XIRP2: variants seen among roughly 807,000 people sequenced by gnomAD.
XIRP2 encodes xin actin binding repeat containing 2.
XIRP2 carries 236 observed loss-of-function variants against 277.0 expected under a neutral mutation model. The observed-to-expected ratio is 0.85, with a 90% CI of 0.77 to 0.95. The LOEUF is 0.95. Among genes scored for constraint, XIRP2 ranks in the 40% least tolerant of loss-of-function variants. The pLI is 0.00. For missense variants in XIRP2, 4,640 were observed against 4,157.5 expected (o/e 1.12, Z -3.19); for synonymous variants, 1,490 against 1,416.5 (o/e 1.05, Z -1.17).
chr2:167,093,873 A>G (rs1690220137), intron 2 of XIRP2, among the ~76,000 whole-genome samples: 1 of 152,068 alleles, frequency 6.6e-6, no homozygotes, highest in Non-Finnish European at 1.5e-5. Context: ...CTGGTTCTAG[A>G]TCCTTGAGGA....
intron 2 of XIRP2, among the ~76,000 whole-genome samples, chr2:167,002,388 T>G (rs1687396412): frequency 7.0e-6 from 1 of 143,244 alleles, no homozygotes; most frequent in Non-Finnish European, 1.5e-5. Context: ...AGTCATAATG[T>G]TTTTATTTAA....
chr2:167,244,183 T>C lies in XIRP2; in HGVS notation c.2791T>C (p.Tyr931His), dbSNP rs1330905579. The change falls in exon 9 of 11, where the codon TAC (tyrosine) becomes CAC (histidine). Residue 931 changes from tyrosine to histidine, a missense_variant. Coordinates refer to ENST00000409195, the MANE Select transcript of XIRP2 (RefSeq NM_152381.6). ...LEDIRKDKKE[Y>H]TRTVKLEEVD... ...AGACATTAGAAAAGATAAAAAGGAG[T>C]ACACACGAACAGTGAAACTTGAAGA... The C allele has an allele frequency of 6.2e-7, 1 of 1,613,178 alleles. No homozygotes were observed. Among genetic ancestry groups the C allele is most frequent in the East Asian group, 2.2e-5 (1 of 44,790 alleles).
At chr2:167,042,211 A>T (rs1688675518) in intron 2 of XIRP2, among the ~76,000 whole-genome samples, 2 of 152,168 alleles carry the variant, frequency 1.3e-5, no homozygotes, top group African/African-American at 4.8e-5. Context: ...GAAACCAAAG[A>T]TCATTACCTG....
At chr2:167,253,859 G>A (rs1055240070) in intron 9 of XIRP2, among the ~76,000 whole-genome samples, 173 bp from the exon 10 acceptor site, 10 of 151,696 alleles carry the variant, frequency 6.6e-5, no homozygotes, top group African/African-American at 2.2e-4. Context: ...CTAGCAGACC[G>A]TTAAACCTGA....
At chr2:167,187,540 A>G in intron 3 of XIRP2, 1 of 985,104 alleles carries the variant, frequency 1.0e-6, no homozygotes, top group Non-Finnish European at 1.2e-6. Flanking sequence ...AGGTAAGTGT[A>G]ATATAGTCAT....
intron 2 of XIRP2, among the ~76,000 whole-genome samples, chr2:167,049,752 A>G (rs1688871611): frequency 6.6e-6 from 1 of 152,076 alleles, no homozygotes; most frequent in African/African-American, 2.4e-5. Context: ...ATTCTTTCAA[A>G]GTACCAACTC....
rs1428258503 is a variant in XIRP2 at position 167,248,273 on chromosome 2, C to T, written c.6881C>T (p.Pro2294Leu). 1 of 1,613,600 alleles carries T rather than the reference C, an allele frequency of 6.2e-7. No homozygotes were observed. Among genetic ancestry groups the T allele is most frequent in the African/African-American group, 1.3e-5 (1 of 74,828 alleles). The change falls in exon 9 of 11, where the codon CCA becomes CTA. Residue 2294 changes from proline (P) to leucine (L), a missense_variant. By Grantham distance (98) the Pro-to-Leu change is moderately conservative. Coordinates refer to ENST00000409195, the MANE Select transcript of XIRP2 (RefSeq NM_152381.6). ...ESECPLPPPS[P>L]PPPPPSNASS... ...GAGTGCCCCCTTCCACCTCCATCTCCACCTCCTCCACCACCTTCTAATGCA... is the reference window on the plus strand; with the variant it reads ...GAGTGCCCCCTTCCACCTCCATCTCTACCTCCTCCACCACCTTCTAATGCA...
chr2:167,048,744 C>T (rs1383858082), intron 2 of XIRP2, among the ~76,000 whole-genome samples: 2 of 151,826 alleles, frequency 1.3e-5, no homozygotes, highest in Non-Finnish European at 2.9e-5. Flanking sequence ...ACTGTAAGAC[C>T]TCAGCAAACT....
At chr2:166,928,172 G>C (rs1685239461) in intron 2 of XIRP2, among the ~76,000 whole-genome samples, 1 of 152,114 alleles carries the variant, frequency 6.6e-6, no homozygotes, top group Non-Finnish European at 1.5e-5. Flanking sequence ...TGTAAAATGA[G>C]CGTAGTTAAA....
intron 3 of XIRP2, among the ~76,000 whole-genome samples, chr2:167,167,792 A>C (rs1453547815): frequency 3.3e-5 from 5 of 152,202 alleles, no homozygotes; most frequent in African/African-American, 1.2e-4. Flanking sequence ...AATAAGAAAA[A>C]TAAAGATTTT....
intron 2 of XIRP2, among the ~76,000 whole-genome samples, chr2:166,913,316 C>A (rs949745379): frequency 5.3e-5 from 7 of 131,176 alleles, no homozygotes; most frequent in African/African-American, 1.8e-4. Flanking sequence ...GGGCACCCCC[C>A]CCCCCCAGCC....
chr2:167,025,049 C>A (rs1017324106), intron 2 of XIRP2, among the ~76,000 whole-genome samples: 6 of 151,980 alleles, frequency 3.9e-5, no homozygotes, highest in Admixed American at 1.3e-4. Flanking sequence ...CTCCTTGTAC[C>A]TCTGGTAGAA....
intron 2 of XIRP2, among the ~76,000 whole-genome samples, chr2:166,987,240 G>A (rs1687031126): frequency 6.6e-6 from 1 of 152,174 alleles, no homozygotes; most frequent in South Asian, 2.1e-4. Flanking sequence ...GTTCTGAGTA[G>A]TCAGAAGGCA....
At chr2:166,920,131 T>C (rs914251544) in intron 2 of XIRP2, among the ~76,000 whole-genome samples, 93 of 152,106 alleles carry the variant, frequency 6.1e-4, no homozygotes, top group African/African-American at 2.1e-3. Flanking sequence ...AGCTAGCAAG[T>C]GGTAATGACT....
chr2:167,086,302 T>C (rs959938800), intron 2 of XIRP2, among the ~76,000 whole-genome samples: 57 of 152,320 alleles, frequency 3.7e-4, no homozygotes, highest in Middle Eastern at 6.8e-3. Flanking sequence ...GGGTTTCTGC[T>C]GAGAGATCCG....
intron 2 of XIRP2, among the ~76,000 whole-genome samples, chr2:166,996,682 T>A (rs1687230301): frequency 6.6e-6 from 1 of 152,156 alleles, no homozygotes; most frequent in Non-Finnish European, 1.5e-5. Context: ...TTCAGTATGT[T>A]TCAGAATTCT....
chr2:166,895,228 T>A (rs896541492), intron 1 of XIRP2, among the ~76,000 whole-genome samples: 68 of 152,148 alleles, frequency 4.5e-4, no homozygotes, highest in African/African-American at 1.5e-3. Flanking sequence ...GCAAAACATT[T>A]TTATTAAAAT....
intron 2 of XIRP2, among the ~76,000 whole-genome samples, chr2:167,078,666 C>A (rs919477010): frequency 6.6e-6 from 1 of 151,928 alleles, no homozygotes; most frequent in Non-Finnish European, 1.5e-5. Flanking sequence ...GAAACCCTGT[C>A]TCTACTAAAA....
Position 167,246,905 on chromosome 2 carries a change from A to C in XIRP2, c.5513A>C (p.Lys1838Thr). Reference protein sequence around the residue: ...FGKIPKEEIIKGDLTSTLNSL... With the variant: ...FGKIPKEEIITGDLTSTLNSL... ...AAGATACCCAAAGAAGAGATTATAA[A>C]AGGTGATTTGACATCAACCCTAAAT... Residue 1838 changes from lysine (K) to threonine (T), a missense_variant, in exon 9 of 11, where the codon AAA becomes ACA. By Grantham distance (78) the Lys-to-Thr change is moderately conservative. Transcript: ENST00000409195. 1 of 1,613,488 alleles carries C rather than the reference A, an allele frequency of 6.2e-7. No individual in the cohort carries two copies. The highest frequency in any genetic ancestry group is 8.5e-7 in the Non-Finnish European group (1 of 1,179,798).
Sources: allele counts gnomAD v4.1 joint callset (sites outside exome capture counted in the v4.1 genomes callset), GRCh38; gene constraint gnomAD v4.1.1; transcripts MANE v1.5; gene names NCBI Gene and HGNC (gene_info 2026-07-23, HGNC 2026-07-21).